The following C11orf97 variants were observed in gnomAD, a reference collection of about 807,000 sequenced individuals.
C11orf97 encodes uncharacterized protein C11orf97.
C11orf97 carries 15 observed loss-of-function variants against 16.2 expected under a neutral mutation model. The observed-to-expected ratio is 0.93, with a 90% CI of 0.62 to 1.43. C11orf97 has a LOEUF of 1.43. C11orf97 is among the 40% of genes most tolerant of loss of function. The pLI, the probability that C11orf97 is intolerant of heterozygous loss-of-function variation, is 0.00. For synonymous variants in C11orf97, 61 were observed against 65.7 expected, an observed-to-expected ratio of 0.93 and a Z score of 0.34; for missense variants, 171 against 161.2, an observed-to-expected ratio of 1.06 and a Z score of -0.33.
At position 94,524,656 on chromosome 11, in the gene C11orf97, C is replaced by T. The variant is rs540241667; in HGVS notation, c.251-3428C>T. Among the ~76,000 whole-genome samples, 16 of 148,940 alleles carry T rather than the reference C, an allele frequency of 1.1e-4. No homozygotes were observed. The East Asian group carries it at 2.4e-3, about 22-fold the overall frequency. ...TTAATCAGATAGAATGGAATTTGGG[C>T]AACTTATAGAACTTTCTGGATAAGG... is the stretch of plus-strand genomic sequence containing the variant. On this transcript the variant is annotated intron_variant, in intron 2 of 3. Coordinates refer to ENST00000542198, the MANE Select transcript of C11orf97 (RefSeq NM_001190462.2).
intron 1 of C11orf97, among the ~76,000 whole-genome samples, chr11:94,514,294 G>A (rs1947592451): frequency 1.3e-5 from 2 of 152,170 alleles, no homozygotes; most frequent in Non-Finnish European, 2.9e-5. Context: ...CTTAAGGCAG[G>A]TGTCCAAACT....
Position 94,528,161 on chromosome 11 carries a change from A to C in C11orf97, c.328A>C (p.Ser110Arg). The C allele has an allele frequency of 6.5e-7, 1 of 1,536,046 alleles. No homozygotes were observed. The highest frequency in any genetic ancestry group is 8.7e-7 in the Non-Finnish European group (1 of 1,146,844). The change falls in exon 3 of 4, where the codon AGT becomes CGT. Residue 110 changes from serine to arginine, a missense_variant. By Grantham distance (110) the Ser-to-Arg change is moderately radical. Coordinates refer to ENST00000542198, the MANE Select transcript of C11orf97 (RefSeq NM_001190462.2). Reference protein sequence around the residue: ...GLKPGLPSRNSLLPQAKYYSR... With the variant: ...GLKPGLPSRNRLLPQAKYYSR... ...GAAGCCAGGACTGCCGAGCAGAAAC[A>C]GTTTATTGCCACAAGCCAAGTACTA...
intron 3 of C11orf97, among the ~76,000 whole-genome samples, chr11:94,528,659 A>G (rs1947717027): frequency 6.6e-6 from 1 of 152,200 alleles, no homozygotes; most frequent in Non-Finnish European, 1.5e-5. Flanking sequence ...GAATGAGGCC[A>G]CCAGACTGGG....
At chr11:94,516,061 C>G (rs1346893217) in intron 1 of C11orf97, among the ~76,000 whole-genome samples, 1 of 152,088 alleles carries the variant, frequency 6.6e-6, no homozygotes, top group Non-Finnish European at 1.5e-5. Context: ...ATATGACTTC[C>G]AACTTTGGGG....
chr11:94,519,374 A>G (rs1377064563), intron 2 of C11orf97, among the ~76,000 whole-genome samples: 2 of 152,188 alleles, frequency 1.3e-5, no homozygotes, highest in Admixed American at 1.3e-4. Context: ...AGAATGACCT[A>G]CTGCATTTCA....
chr11:94,531,797 A>G, intron 3 of C11orf97, 99 bp from the exon 4 acceptor site: 5 of 1,003,768 alleles, frequency 5.0e-6, no homozygotes, highest in Non-Finnish European at 6.8e-6. Flanking sequence ...GCTCAATCAA[A>G]TGGGAACATT....
intron 3 of C11orf97, among the ~76,000 whole-genome samples, chr11:94,530,326 T>A (rs1947729002): frequency 6.6e-6 from 1 of 152,236 alleles, no homozygotes. Flanking sequence ...TCTCTTTAGG[T>A]TGCCAGCTGC....
chr11:94,518,676 C>T (rs965593767), intron 2 of C11orf97, among the ~76,000 whole-genome samples: 7 of 152,256 alleles, frequency 4.6e-5, no homozygotes, highest in African/African-American at 7.2e-5. Context: ...TCCTTCTCAA[C>T]GATTACTAGA....
intron 2 of C11orf97, among the ~76,000 whole-genome samples, chr11:94,525,572 T>C (rs1947693256): frequency 6.6e-6 from 1 of 152,224 alleles, no homozygotes; most frequent in African/African-American, 2.4e-5. Context: ...CATTATTTCA[T>C]TCAATTAAAA....
chr11:94,531,877 C>CTTT lies in C11orf97; in HGVS notation c.377-11_377-9dup. 2.3e-6 allele frequency: 3 copies of CTTT among 1,307,830 alleles called. No individual in the cohort carries two copies. Among genetic ancestry groups the CTTT allele is most frequent in the Non-Finnish European group, 2.0e-6 (2 of 996,890 alleles). 81.0% of individuals were successfully genotyped at this position (1,307,830 alleles called of 1,614,324 possible). A position where few individuals can be genotyped will look rare whatever the true frequency, so the allele number is the denominator to read the frequency against. On this transcript the variant is annotated intron_variant, in intron 3 of 3. Coordinates refer to ENST00000542198, the MANE Select transcript of C11orf97 (RefSeq NM_001190462.2). ...CCGAAGTAAAACACTTATTTTTTCA[C>CTTT]TTTTTTTTTTAACTCTAGGATAAGA...
At chr11:94,529,811 G>A (rs1947725054) in intron 3 of C11orf97, among the ~76,000 whole-genome samples, 1 of 152,170 alleles carries the variant, frequency 6.6e-6, no homozygotes, top group African/African-American at 2.4e-5. Context: ...TTAGGAATCT[G>A]GGAGGCAGCT....
At chr11:94,517,741 C>T (rs1194117622) in intron 2 of C11orf97, 54 bp downstream of exon 2, 3 of 1,185,490 alleles carry the variant, frequency 2.5e-6, no homozygotes, top group African/African-American at 1.6e-5. Flanking sequence ...AAATTGCCTA[C>T]TTGATGACAG....
Position 94,512,682 on chromosome 11 carries a change from A to G in C11orf97, c.145+9A>G, listed in dbSNP as rs930749091. 17 of 1,237,280 alleles carry G rather than the reference A, an allele frequency of 1.4e-5. No homozygotes were observed. Among genetic ancestry groups the G allele is most frequent in the Non-Finnish European group, 1.6e-5 (16 of 990,374 alleles). 76.6% of individuals were successfully genotyped at this position (1,237,280 alleles called of 1,614,324 possible). The stretch of plus-strand genomic sequence containing the variant: ...AGAGCACGGCCAGCAGTGTGAGTTC[A>G]GCTCCAGCCGCGGACGCTACTGGGA... On this transcript the variant is annotated intron_variant, in intron 1 of 3. Coordinates refer to ENST00000542198, the MANE Select transcript of C11orf97 (RefSeq NM_001190462.2).
chr11:94,525,284 A>G (rs1368698536), intron 2 of C11orf97, among the ~76,000 whole-genome samples: 1 of 152,190 alleles, frequency 6.6e-6, no homozygotes, highest in East Asian at 1.9e-4. Flanking sequence ...TATAGTAGTC[A>G]TGAAAAATTT....
chr11:94,522,496 A>G (rs564099750), intron 2 of C11orf97, among the ~76,000 whole-genome samples: 1 of 152,288 alleles, frequency 6.6e-6, no homozygotes, highest in East Asian at 1.9e-4. Context: ...GAGATCCGCC[A>G]TTGCACTCCG....
At chr11:94,517,801 T>C in intron 2 of C11orf97, 114 bp downstream of exon 2, 2 of 675,536 alleles carry the variant, frequency 3.0e-6, no homozygotes, top group Non-Finnish European at 4.6e-6. Flanking sequence ...TTTTGGAAAG[T>C]TCTTGAACTA....
chr11:94,515,251 A>G (rs933568396), intron 1 of C11orf97, among the ~76,000 whole-genome samples: 4 of 152,180 alleles, frequency 2.6e-5, no homozygotes, highest in Non-Finnish European at 5.9e-5. Flanking sequence ...TGTGAGAAAG[A>G]GAAATAATAA....
chr11:94,518,477 G>A (rs536808304), intron 2 of C11orf97, among the ~76,000 whole-genome samples: 2 of 152,194 alleles, frequency 1.3e-5, no homozygotes, highest in South Asian at 2.1e-4. Flanking sequence ...TCCAGTACCC[G>A]ACTTTGCAAA....
At chr11:94,520,824 T>A (rs1287644997) in intron 2 of C11orf97, among the ~76,000 whole-genome samples, 1 of 152,238 alleles carries the variant, frequency 6.6e-6, no homozygotes. Context: ...CTGCTACTGT[T>A]AATTCTCTGC....
Sources: gnomAD v4.1 joint callset for allele counts (sites outside exome capture counted in the v4.1 genomes callset) on GRCh38, gnomAD v4.1.1 for gene constraint, MANE v1.5 for transcripts, NCBI Gene and HGNC (gene_info 2026-07-23, HGNC 2026-07-21) for gene names.